The following LGALS9 variants were observed in gnomAD, a reference collection of about 807,000 sequenced individuals.
The protein encoded by LGALS9 is galectin 9, also known as galectin-9.
LGALS9 carries 26 observed loss-of-function variants against 35.9 expected under a neutral mutation model. The ratio of observed to expected loss-of-function variants is 0.72; its 90% CI spans 0.53 to 1.01. LGALS9 has a LOEUF of 1.01. Among genes scored for constraint, LGALS9 ranks in the 50% least tolerant of loss-of-function variants. The pLI is 0.00. For synonymous variants in LGALS9, 149 were observed against 172.2 expected (o/e 0.87, Z 1.06); for missense variants, 347 against 445.8 (o/e 0.78, Z 1.99).
intron 4 of LGALS9, 108 bp downstream of exon 4, chr17:27,642,456 C>G: frequency 1.3e-6 from 2 of 1,494,646 alleles, no homozygotes; most frequent in Non-Finnish European, 1.8e-6. Flanking sequence ...ACCCAGGTCA[C>G]TCTGGGGACA....
rs2074450737 is a variant in LGALS9 at position 27,636,321 on chromosome 17, T to C, written c.40-1942T>C. ...TTGTACCATCAACAACACACACCCATCACTCTGCTCCAACAATGATCAACT... is the reference window on the plus strand; with the variant it reads ...TTGTACCATCAACAACACACACCCACCACTCTGCTCCAACAATGATCAACT... On this transcript the variant is annotated intron_variant, in intron 1 of 10. Coordinates refer to ENST00000395473, the MANE Select transcript of LGALS9 (RefSeq NM_009587.3). Among the ~76,000 whole-genome samples the C allele has an allele frequency of 2.0e-5, 3 of 152,352 alleles. No homozygotes were observed. In the South Asian group the frequency reaches 6.2e-4, roughly 32 times the overall value.
At chr17:27,645,995 G>A in intron 7 of LGALS9, 84 bp downstream of exon 7, 2 of 1,596,920 alleles carry the variant, frequency 1.3e-6, no homozygotes, top group Non-Finnish European at 1.7e-6. Context: ...CCTAGAGTCG[G>A]GAAGAAAGCG....
Position 27,646,711 on chromosome 17 carries a change from G to T in LGALS9, c.669+123G>T. The T allele has an allele frequency of 2.0e-6, 3 of 1,499,110 alleles. No individual in the cohort carries two copies. In the African/African-American group the frequency reaches 4.2e-5, roughly 21 times the overall value. 92.9% of individuals were successfully genotyped at this position (1,499,110 alleles called of 1,614,324 possible). The stretch of plus-strand genomic sequence containing the variant: ...AAAGCAGTCATTTGTTAAGCTGAAG[G>T]GCTTCAAAGCATCCCAGCGAATTAG... On this transcript the variant is annotated intron_variant, in intron 8 of 10. Coordinates refer to ENST00000395473, the MANE Select transcript of LGALS9 (RefSeq NM_009587.3).
chr17:27,636,763 G>C (rs764161813), intron 1 of LGALS9, among the ~76,000 whole-genome samples: 3 of 152,022 alleles, frequency 2.0e-5, no homozygotes, highest in African/African-American at 4.8e-5. Flanking sequence ...GTGAGCCACT[G>C]TGCCCAGCCA....
At chr17:27,642,525 C>T in intron 4 of LGALS9, 177 bp downstream of exon 4, 1 of 1,167,650 alleles carries the variant, frequency 8.6e-7, no homozygotes, top group Non-Finnish European at 1.2e-6. Flanking sequence ...CTCTGCCCCT[C>T]CTTCTGTGTT....
intron 2 of LGALS9, chr17:27,638,811 A>G (rs1344523928): frequency 3.6e-6 from 1 of 280,410 alleles, no homozygotes; most frequent in Non-Finnish European, 6.9e-6. Flanking sequence ...CTACTAAGTC[A>G]ATTCAACATA....
rs376166449 is a variant in LGALS9, at chr17:27,649,013, G to A, written c.*31G>A. ...TTCCTGGCCCTGGGGCCGGGGGCTG[G>A]GGTGTGGGGCAGTCTGGGTCCTCTC... On this transcript the variant is annotated 3_prime_UTR_variant, in exon 11 of 11. Transcript: ENST00000395473. 3 of 1,613,704 alleles carry A rather than the reference G, an allele frequency of 1.9e-6. No homozygotes were observed. The South Asian group carries it at 3.3e-5, about 18-fold the overall frequency.
In LGALS9 at chr17:27,649,015, G is replaced by C; in HGVS notation, c.*33G>C. 1.2e-6 allele frequency: 2 copies of C among 1,613,612 alleles called. No homozygotes were observed. The highest frequency in any genetic ancestry group is 8.5e-7 in the Non-Finnish European group (1 of 1,179,706). On this transcript the variant is annotated 3_prime_UTR_variant, in exon 11 of 11. Coordinates refer to ENST00000395473, the MANE Select transcript of LGALS9 (RefSeq NM_009587.3). Reference sequence around the variant, plus strand: ...CCTGGCCCTGGGGCCGGGGGCTGGGGTGTGGGGCAGTCTGGGTCCTCTCAT... The same window carrying C: ...CCTGGCCCTGGGGCCGGGGGCTGGGCTGTGGGGCAGTCTGGGTCCTCTCAT...
chr17:27,646,718 A>C, intron 8 of LGALS9, 130 bp downstream of exon 8: 1 of 1,471,160 alleles, frequency 6.8e-7, no homozygotes, highest in Non-Finnish European at 9.4e-7. Context: ...AAGGGCTTCA[A>C]AGCATCCCAG....
At chr17:27,646,663 G>T (rs899529003) in intron 8 of LGALS9, 75 bp downstream of exon 8, 233 of 1,603,848 alleles carry the variant, frequency 1.5e-4, no homozygotes, top group Middle Eastern at 1.9e-4. Flanking sequence ...GCTGTGGGGG[G>T]ATCCACTGGC....
intron 10 of LGALS9, 117 bp from the exon 11 acceptor site, chr17:27,648,719 G>A: frequency 1.9e-6 from 3 of 1,558,236 alleles, no homozygotes; most frequent in South Asian, 2.3e-5. Context: ...TAGAGTGCAG[G>A]TGAGGGGCTT....
chr17:27,635,573 G>A (rs1395541646), intron 1 of LGALS9, among the ~76,000 whole-genome samples: 1 of 152,090 alleles, frequency 6.6e-6, no homozygotes, highest in African/African-American at 2.4e-5. Flanking sequence ...TTGCCTTGGA[G>A]ATTAGCCTGT....
chr17:27,641,833 G>C lies in LGALS9; in HGVS notation c.334-405G>C, dbSNP rs148703374. Among the ~76,000 whole-genome samples the C allele has an allele frequency of 8.3e-3, 1,260 of 152,068 alleles. 17 individuals carry two copies. The highest frequency in any genetic ancestry group is 0.029 in the African/African-American group (1,205 of 41,476). On this transcript the variant is annotated intron_variant, in intron 3 of 10. Coordinates refer to ENST00000395473, the MANE Select transcript of LGALS9 (RefSeq NM_009587.3). ...TACTAAAAATACAAAAATTAGCTGG[G>C]TATGGTGGTGGGCTCCTGTAATCCC...
intron 1 of LGALS9, among the ~76,000 whole-genome samples, 167 bp from the exon 2 acceptor site, chr17:27,638,096 C>T (rs1376624234): frequency 6.6e-6 from 1 of 151,976 alleles, no homozygotes; most frequent in African/African-American, 2.4e-5. Flanking sequence ...TGCCTCCACA[C>T]AGGACCCTAA....
intron 1 of LGALS9, among the ~76,000 whole-genome samples, chr17:27,634,645 T>C (rs1167394698): frequency 6.6e-6 from 1 of 152,216 alleles, no homozygotes; most frequent in Non-Finnish European, 1.5e-5. Flanking sequence ...TTGTCACATC[T>C]CCTACCTCTG....
chr17:27,636,635 A>ATT (rs556073773), intron 1 of LGALS9, among the ~76,000 whole-genome samples: 20 of 149,016 alleles, frequency 1.3e-4, no homozygotes, highest in African/African-American at 4.2e-4. Flanking sequence ...ACACCTAGCT[A>ATT]TTTTTTTTTT....
At chr17:27,635,531 T>C (rs1327166964) in intron 1 of LGALS9, among the ~76,000 whole-genome samples, 1 of 152,152 alleles carries the variant, frequency 6.6e-6, no homozygotes, top group Non-Finnish European at 1.5e-5. Context: ...TAAGATATTT[T>C]GAAACCTCAC....
At chr17:27,631,969 AGGTGAGAGGGG>A (rs941124426) in intron 1 of LGALS9, among the ~76,000 whole-genome samples, 6 of 151,864 alleles carry the variant, frequency 4.0e-5, no homozygotes, top group African/African-American at 1.5e-4. Context: ...GCAGTCTCAG[AGGTGAGAGGGG>A]GGTGAGGACT....
In LGALS9 at chr17:27,647,440, A is replaced by C. The variant is rs370061789; in HGVS notation, c.921+8A>C. 5 of 1,614,094 alleles carry C rather than the reference A, an allele frequency of 3.1e-6. No individual in the cohort carries two copies. Among genetic ancestry groups the C allele is most frequent in the Non-Finnish European group, 3.4e-6 (4 of 1,179,996 alleles). The stretch of plus-strand genomic sequence containing the variant: ...CGTGGCCAGAGCTTCTCAGTAAGGC[A>C]CCGCAGTCTGGAGCTTGGAGAGGCT... On this transcript the variant is annotated splice_region_variant and intron_variant, in intron 10 of 10. Transcript: ENST00000395473.
Sources: allele counts gnomAD v4.1 joint callset (sites outside exome capture counted in the v4.1 genomes callset), GRCh38; gene constraint gnomAD v4.1.1; transcripts MANE v1.5; gene names NCBI Gene and HGNC (gene_info 2026-07-23, HGNC 2026-07-21).